The following MEGF10 variants were observed in gnomAD, a reference collection of about 807,000 sequenced individuals.
The protein encoded by MEGF10 is multiple EGF like domains 10.
A neutral mutation model predicts 147.5 loss-of-function variants in MEGF10; 86 were observed. The ratio of observed to expected loss-of-function variants is 0.58; its 90% CI spans 0.49 to 0.70. MEGF10 has a LOEUF of 0.70. Among genes scored for constraint, MEGF10 ranks in the 30% least tolerant of loss-of-function variants. MEGF10 has a pLI of 0.00. For synonymous variants in MEGF10, 478 were observed against 525.5 expected (o/e 0.91, Z 1.24); for missense variants, 1,329 against 1,487.3 (o/e 0.89, Z 1.75).
rs1765129747 is a variant in MEGF10, at chr5:127,424,223, A to G, written c.1693+1451A>G. On this transcript the variant is annotated intron_variant, in intron 13 of 24. Coordinates refer to ENST00000503335, the MANE Select transcript of MEGF10 (RefSeq NM_001256545.2). ...ATTTCTGGACTCCGTATTTCATTTC[A>G]TTTGTCTATATATCTCTCCTTATGC... 28 of 624,556 alleles carry G rather than the reference A, an allele frequency of 4.5e-5. 1 individual carries two copies. In the South Asian group the frequency reaches 5.3e-4, roughly 12 times the overall value. 38.7% of individuals were successfully genotyped at this position (624,556 alleles called of 1,614,324 possible).
At chr5:127,267,558 T>G in the MEGF10 span, among the ~76,000 whole-genome samples, 1 of 152,130 alleles carries the variant, frequency 6.6e-6, no homozygotes, top group African/African-American at 2.4e-5. Context: ...GTCCTGGACT[T>G]TTTTTGGTTG....
Position 127,443,113 on chromosome 5 carries a change from G to A in MEGF10, c.2478G>A (p.Ala826=), listed in dbSNP as rs773694859. The change falls in exon 19 of 25, where the codon GCG becomes GCA. Residue 826 remains alanine, a synonymous_variant. Coordinates refer to ENST00000503335, the MANE Select transcript of MEGF10 (RefSeq NM_001256545.2). ...TCYCSPGWKG[A]RCDQAGVIIV... ...ACTGCAGCCCCGGATGGAAGGGAGC[G>A]AGATGTGATCAAGGTAAATATACTA... 4.3e-6 allele frequency: 7 copies of A among 1,613,102 alleles called. No individual in the cohort carries two copies. The highest frequency in any genetic ancestry group is 3.3e-5 in the Admixed American group (2 of 59,978).
At chr5:127,287,590 C>G (rs1375384207), upstream of MEGF10, among the ~76,000 whole-genome samples, 1 of 151,734 alleles carries the variant, frequency 6.6e-6, no homozygotes, top group Non-Finnish European at 1.5e-5. Flanking sequence ...TAAAGAATAC[C>G]TAAATTAATG....
chr5:127,369,773 G>A (rs1477091986), intron 4 of MEGF10, 137 bp from the exon 5 acceptor site: 1 of 590,560 alleles, frequency 1.7e-6, no homozygotes, highest in East Asian at 3.1e-5. Flanking sequence ...AGAGGGCTGA[G>A]GAACGGACTG....
At chr5:127,368,764 A>T (rs892909528) in intron 4 of MEGF10, among the ~76,000 whole-genome samples, 4 of 152,148 alleles carry the variant, frequency 2.6e-5, no homozygotes, top group East Asian at 3.8e-4. Context: ...GTGTATATAC[A>T]TATATACACA....
At chr5:127,452,864 C>A (rs1766206239) in intron 22 of MEGF10, among the ~76,000 whole-genome samples, 1 of 152,224 alleles carries the variant, frequency 6.6e-6, no homozygotes, top group South Asian at 2.1e-4. Flanking sequence ...TGCCTCCCTG[C>A]ATAACCGTGT....
chr5:127,435,492 A>G lies in MEGF10; in HGVS notation c.2104+3A>G. On this transcript the variant is annotated splice_donor_region_variant and intron_variant, in intron 16 of 24. Coordinates refer to ENST00000503335, the MANE Select transcript of MEGF10 (RefSeq NM_001256545.2). The stretch of plus-strand genomic sequence containing the variant: ...GATTGGCAGTGACTGCTCTCAACGT[A>G]AGTCTTGTTTGAGAACAATTAATAA... 6.8e-6 allele frequency: 11 copies of G among 1,611,996 alleles called. No homozygotes were observed. Among genetic ancestry groups the G allele is most frequent in the Non-Finnish European group, 9.3e-6 (11 of 1,179,230 alleles).
the MEGF10 span, among the ~76,000 whole-genome samples, chr5:127,263,307 CG>C: frequency 0.016 from 2,370 of 144,296 alleles, 50 homozygotes; most frequent in African/African-American, 0.042. Context: ...GAGGGATTCT[CG>C]GGGGGGGGGT....
intron 4 of MEGF10, among the ~76,000 whole-genome samples, chr5:127,347,561 A>G (rs1230864472): frequency 6.6e-6 from 1 of 152,116 alleles, no homozygotes; most frequent in East Asian, 1.9e-4. Flanking sequence ...AAGTATGATT[A>G]GTTTAAATGT....
At chr5:127,294,512 A>G (rs1027237589) in intron 1 of MEGF10, among the ~76,000 whole-genome samples, 39 of 152,138 alleles carry the variant, frequency 2.6e-4, no homozygotes, top group African/African-American at 2.2e-4. Flanking sequence ...AATAACTTCA[A>G]GTGGGGCTGG....
At chr5:127,274,913 C>T in the MEGF10 span, among the ~76,000 whole-genome samples, 1 of 152,096 alleles carries the variant, frequency 6.6e-6, no homozygotes, top group Non-Finnish European at 1.5e-5. Context: ...CCATATCCCT[C>T]TCATTTTTCT....
At chr5:127,375,285 A>G (rs1329464254) in intron 5 of MEGF10, among the ~76,000 whole-genome samples, 1 of 152,138 alleles carries the variant, frequency 6.6e-6, no homozygotes, top group East Asian at 1.9e-4. Context: ...TTTCAGTCCA[A>G]TTTCAAAAGG....
At chr5:127,397,310 T>A (rs981296156) in intron 6 of MEGF10, among the ~76,000 whole-genome samples, 2 of 152,226 alleles carry the variant, frequency 1.3e-5, no homozygotes, top group African/African-American at 4.8e-5. Flanking sequence ...GGATACATAT[T>A]GCTTTGTGAA....
the MEGF10 span, among the ~76,000 whole-genome samples, chr5:127,263,699 C>A: frequency 2.6e-5 from 4 of 152,100 alleles, no homozygotes; most frequent in Non-Finnish European, 5.9e-5. Flanking sequence ...CATAAACATG[C>A]TTACTGTATT....
chr5:127,413,340 A>G (rs1485146521), intron 9 of MEGF10, among the ~76,000 whole-genome samples: 1 of 152,196 alleles, frequency 6.6e-6, no homozygotes, highest in Non-Finnish European at 1.5e-5. Context: ...ATAGAGAGAT[A>G]GATTAACTGC....
At chr5:127,260,314 C>CT in the MEGF10 span, among the ~76,000 whole-genome samples, 2 of 152,120 alleles carry the variant, frequency 1.3e-5, no homozygotes, top group African/African-American at 4.8e-5. Context: ...TGCCTCTGAC[C>CT]TGTCACCTTT....
intron 1 of MEGF10, among the ~76,000 whole-genome samples, chr5:127,293,369 G>C (rs908582602): frequency 7.2e-5 from 11 of 152,212 alleles, no homozygotes; most frequent in African/African-American, 2.7e-4. Context: ...TATACCAGAA[G>C]CATGAAGTGG....
intron 13 of MEGF10, among the ~76,000 whole-genome samples, chr5:127,429,470 T>C (rs1334230277): frequency 6.6e-6 from 1 of 152,158 alleles, no homozygotes; most frequent in East Asian, 1.9e-4. Context: ...GTCCTGAATA[T>C]CATACAGGAA....
chr5:127,431,748 G>C (rs1765393257), intron 13 of MEGF10, among the ~76,000 whole-genome samples: 1 of 152,150 alleles, frequency 6.6e-6, no homozygotes, highest in Non-Finnish European at 1.5e-5. Flanking sequence ...GTGTTTAGCA[G>C]GTTACCCTTG....
Sources: gnomAD v4.1 joint callset for allele counts (sites outside exome capture counted in the v4.1 genomes callset) on GRCh38, gnomAD v4.1.1 for gene constraint, MANE v1.5 for transcripts, NCBI Gene and HGNC (gene_info 2026-07-23, HGNC 2026-07-21) for gene names.